The following SLC24A3 variants were observed in gnomAD, a reference collection of about 807,000 sequenced individuals.
SLC24A3 encodes the protein solute carrier family 24 member 3, also known as sodium/potassium/calcium exchanger 3.
A neutral mutation model predicts 75.8 loss-of-function variants in SLC24A3; 28 were observed. The observed-to-expected ratio is 0.37, with a 90% CI of 0.27 to 0.51. SLC24A3 has a LOEUF of 0.51. Among genes scored for constraint, SLC24A3 ranks in the 20% least tolerant of loss-of-function variants. SLC24A3 has a pLI of 0.94. For synonymous variants in SLC24A3, 372 were observed against 334.1 expected, an observed-to-expected ratio of 1.11 and a Z score of -1.24; for missense variants, 663 against 847.8, an observed-to-expected ratio of 0.78 and a Z score of 2.71.
chr20:19,397,468 G>A (rs1324011493), intron 2 of SLC24A3, among the ~76,000 whole-genome samples: 1 of 152,094 alleles, frequency 6.6e-6, no homozygotes, highest in African/African-American at 2.4e-5. Flanking sequence ...GTTGAGCAGT[G>A]TTTTCAAACT....
At chr20:19,248,182 G>T (rs1384656753) in intron 1 of SLC24A3, among the ~76,000 whole-genome samples, 1 of 152,160 alleles carries the variant, frequency 6.6e-6, no homozygotes, top group African/African-American at 2.4e-5. Flanking sequence ...CCATGTTTCT[G>T]CCACGTTGCC....
At chr20:19,566,681 TA>T (rs1226689920) in intron 3 of SLC24A3, among the ~76,000 whole-genome samples, 1 of 152,116 alleles carries the variant, frequency 6.6e-6, no homozygotes, top group African/African-American at 2.4e-5. Flanking sequence ...CCTTGGAAAA[TA>T]ATTAATGGAC....
chr20:19,618,979 C>T (rs2122672867), intron 6 of SLC24A3, among the ~76,000 whole-genome samples: 1 of 152,294 alleles, frequency 6.6e-6, no homozygotes, highest in East Asian at 1.9e-4. Flanking sequence ...GGGTGAACCA[C>T]CAGGGCAGCC....
At chr20:19,361,840 A>G (rs1447314599) in intron 2 of SLC24A3, among the ~76,000 whole-genome samples, 2 of 152,212 alleles carry the variant, frequency 1.3e-5, no homozygotes, top group African/African-American at 4.8e-5. Flanking sequence ...ACATTTTTTC[A>G]ACTTTTATAC....
intron 2 of SLC24A3, among the ~76,000 whole-genome samples, chr20:19,411,781 C>T (rs1568611276): frequency 6.6e-6 from 1 of 152,280 alleles, no homozygotes; most frequent in African/African-American, 2.4e-5. Context: ...ACCTCTGACG[C>T]GTTGATCTCC....
intron 1 of SLC24A3, among the ~76,000 whole-genome samples, chr20:19,260,494 G>C (rs1363686311): frequency 2.6e-5 from 4 of 152,226 alleles, no homozygotes; most frequent in African/African-American, 7.2e-5. Flanking sequence ...GGTAAGGTAA[G>C]CACTGCTGAA....
intron 1 of SLC24A3, among the ~76,000 whole-genome samples, chr20:19,260,224 C>G (rs943823116): frequency 2.6e-5 from 4 of 152,162 alleles, no homozygotes; most frequent in Non-Finnish European, 5.9e-5. Context: ...GCAGTCTAGT[C>G]CTATGCAGAG....
Position 19,653,267 on chromosome 20 carries a change from G to A in SLC24A3, c.613-795G>A, listed in dbSNP as rs539496035. On this transcript the variant is annotated intron_variant, in intron 6 of 16. Transcript: ENST00000328041. Reference sequence around the variant, plus strand: ...CACCTAGCAGCCCCCTCCTCTTGCAGGGAAAGGCTGCTTTAGCCTCCAGCA... The same window carrying A: ...CACCTAGCAGCCCCCTCCTCTTGCAAGGAAAGGCTGCTTTAGCCTCCAGCA... 3.3e-4 allele frequency among the ~76,000 whole-genome samples: 50 copies of A among 152,320 alleles called. 2 individuals carry two copies. In the South Asian group the frequency reaches 0.01, roughly 31 times the overall value.
rs989690920 is a variant in SLC24A3, at chr20:19,639,705, G to A, written c.613-14357G>A. 7.9e-5 allele frequency among the ~76,000 whole-genome samples: 12 copies of A among 152,336 alleles called. 1 individual carries two copies. The highest frequency in any genetic ancestry group is 1.3e-4 in the Admixed American group (2 of 15,306). On this transcript the variant is annotated intron_variant, in intron 6 of 16. Coordinates refer to ENST00000328041, the MANE Select transcript of SLC24A3 (RefSeq NM_020689.4). ...GGGCGGCGCTCAATGGGGAGGCTCCGGCCGCACAGGAGCCCATGGAGTGGG... is the reference window on the plus strand; with the variant it reads ...GGGCGGCGCTCAATGGGGAGGCTCCAGCCGCACAGGAGCCCATGGAGTGGG...
chr20:19,284,870 T>C (rs1983767842), intron 2 of SLC24A3, among the ~76,000 whole-genome samples: 1 of 152,170 alleles, frequency 6.6e-6, no homozygotes. Flanking sequence ...TCAACTACAT[T>C]TATCCCTTCC....
chr20:19,430,832 G>C (rs571900202), intron 2 of SLC24A3, among the ~76,000 whole-genome samples: 1 of 152,040 alleles, frequency 6.6e-6, no homozygotes, highest in Admixed American at 6.5e-5. Context: ...GCACACACAT[G>C]CAGGTACACA....
chr20:19,254,027 C>T (rs1982737787), intron 1 of SLC24A3, among the ~76,000 whole-genome samples: 1 of 152,226 alleles, frequency 6.6e-6, no homozygotes. Flanking sequence ...ATGGCATGAA[C>T]TCTGGCCCAT....
At chr20:19,294,152 AT>A (rs536026897) in intron 2 of SLC24A3, among the ~76,000 whole-genome samples, 16 of 151,478 alleles carry the variant, frequency 1.1e-4, no homozygotes, top group Non-Finnish European at 2.2e-4. Context: ...ACTTTGTGGA[AT>A]TTTTTTTCCA....
At chr20:19,679,322 G>A (rs1242515613) in intron 9 of SLC24A3, among the ~76,000 whole-genome samples, 9 of 152,218 alleles carry the variant, frequency 5.9e-5, no homozygotes, top group East Asian at 1.9e-4. Flanking sequence ...CCAACACAGC[G>A]AAACCCCGTC....
At chr20:19,275,579 T>C (rs1983459656) in intron 1 of SLC24A3, among the ~76,000 whole-genome samples, 1 of 152,038 alleles carries the variant, frequency 6.6e-6, no homozygotes, top group Non-Finnish European at 1.5e-5. Context: ...TCAGGGGGCA[T>C]GCAGGGAGAT....
chr20:19,569,327 A>G (rs1036607444), intron 3 of SLC24A3, among the ~76,000 whole-genome samples: 3 of 152,202 alleles, frequency 2.0e-5, no homozygotes, highest in African/African-American at 7.2e-5. Context: ...GCCTTAGTAC[A>G]TCGGCAGTGA....
rs374578089 is a variant in SLC24A3, at chr20:19,556,751, CA to C, written c.349-23248del. Among the ~76,000 whole-genome samples the C allele has an allele frequency of 4.9e-4, 75 of 152,190 alleles. No homozygotes were observed. The East Asian group carries it at 8.3e-3, about 17-fold the overall frequency. The stretch of plus-strand genomic sequence containing the variant: ...AAGTGGTATTTTCTCTCTTAATGCA[CA>C]GACAGGACTGTGCCACATCCTTACT... On this transcript the variant is annotated intron_variant, in intron 3 of 16. Transcript: ENST00000328041.
At chr20:19,281,213 G>C (rs1323492739) in intron 2 of SLC24A3, 126 bp downstream of exon 2, 16 of 1,395,054 alleles carry the variant, frequency 1.1e-5, no homozygotes, top group Non-Finnish European at 1.5e-5. Flanking sequence ...TTTAGGATGG[G>C]AGTCTAAGAA....
At chr20:19,461,890 A>T (rs545943496) in intron 2 of SLC24A3, among the ~76,000 whole-genome samples, 4 of 152,218 alleles carry the variant, frequency 2.6e-5, no homozygotes, top group Non-Finnish European at 5.9e-5. Flanking sequence ...AAGGGAAAGT[A>T]TAAGCATTTT....
Sources: gnomAD v4.1 joint callset for allele counts (sites outside exome capture counted in the v4.1 genomes callset) on GRCh38, gnomAD v4.1.1 for gene constraint, MANE v1.5 for transcripts, NCBI Gene and HGNC (gene_info 2026-07-23, HGNC 2026-07-21) for gene names.